Variants in MAB21L3 observed in about 807,000 individuals in gnomAD.
MAB21L3 encodes mab-21 like 3.
MAB21L3 carries 36 observed loss-of-function variants against 37.7 expected under a neutral mutation model. That is an observed-to-expected ratio of 0.96 (90% confidence interval 0.73 to 1.26). The LOEUF (loss-of-function observed/expected upper bound fraction) is 1.26. Ranked by LOEUF, MAB21L3 falls within the 50% of genes most tolerant of loss-of-function variation. The pLI, the probability that MAB21L3 is intolerant of heterozygous loss-of-function variation, is 0.00. For missense variants in MAB21L3, 430 were observed against 447.3 expected, an observed-to-expected ratio of 0.96 and a Z score of 0.35; for synonymous variants, 186 against 176.8, an observed-to-expected ratio of 1.05 and a Z score of -0.41.
chr1:116,121,681 A>G (rs1659752921), intron 4 of MAB21L3, among the ~76,000 whole-genome samples: 1 of 152,222 alleles, frequency 6.6e-6, no homozygotes, highest in African/African-American at 2.4e-5. Flanking sequence ...GGTGCCACTG[A>G]GAAGCTGCAG....
rs1189669078 is a variant in MAB21L3, at chr1:116,136,487, A to C, written c.*3122A>C. Among the ~76,000 whole-genome samples the C allele has an allele frequency of 6.6e-6, 1 of 152,154 alleles. No homozygotes were observed. The highest frequency in any genetic ancestry group is 2.4e-5 in the African/African-American group (1 of 41,444). The stretch of plus-strand genomic sequence containing the variant: ...ATGAAATAAAAGAGGATACAAACAA[A>C]TGGAAGAACATTCCATGCTCATGGG... On this transcript the variant is annotated 3_prime_UTR_variant, in exon 8 of 8. Coordinates refer to ENST00000369500, the MANE Select transcript of MAB21L3 (RefSeq NM_152367.3).
chr1:116,120,903 C>T (rs754479422), intron 3 of MAB21L3, 29 bp from the exon 4 acceptor site: 2 of 1,611,922 alleles, frequency 1.2e-6, no homozygotes, highest in East Asian at 2.2e-5. Context: ...GAGGAAATAA[C>T]CACCATTGCT....
Position 116,128,096 on chromosome 1 carries a change from C to T in MAB21L3, c.661-49C>T, listed in dbSNP as rs765316504. On this transcript the variant is annotated intron_variant, in intron 6 of 7. Transcript: ENST00000369500. ...CTGCTTCAGAAATGGCTTTCTACAC[C>T]AGTGAGCATTGTTCTTCTTATTTCC... 7.7e-6 allele frequency: 12 copies of T among 1,558,132 alleles called. No homozygotes were observed. In the Admixed American group the frequency reaches 2.0e-4, roughly 25 times the overall value.
chr1:116,133,110 A>T (rs374362190), intron 7 of MAB21L3, 22 bp from the exon 8 acceptor site: 1 of 1,591,618 alleles, frequency 6.3e-7, no homozygotes, highest in African/African-American at 1.3e-5. Context: ...ACAATGTCTG[A>T]CAGCACTTCT....
rs1164169999 is a variant in MAB21L3 at position 116,117,186 on chromosome 1, T to TATATATA, written c.49-3740_49-3739insAATATAT. Among the ~76,000 whole-genome samples the TATATATA allele has an allele frequency of 1.7e-4, 25 of 146,066 alleles. No individual in the cohort carries two copies. The East Asian group carries it at 3.8e-3, about 22-fold the overall frequency. On this transcript the variant is annotated intron_variant, in intron 3 of 7. Transcript: ENST00000369500. ...ACATATATATATATATATATATATATATATATGTATAGTCACTGCTATGTT... is the reference window on the plus strand; with the variant it reads ...ACATATATATATATATATATATATATATATATAATATATGTATAGTCACTGCTATGTT...
chr1:116,124,468 AT>A (rs1160773546), intron 5 of MAB21L3, 111 bp downstream of exon 5: 1 of 967,944 alleles, frequency 1.0e-6, no homozygotes, highest in Non-Finnish European at 1.5e-6. Context: ...TGAGAAAATA[AT>A]CATGTGCTCT....
Position 116,134,350 on chromosome 1 carries a change from C to T in MAB21L3, c.*985C>T, listed in dbSNP as rs1660158672. Reference sequence around the variant, plus strand: ...AGCAAAGAGCAAAGTGGATGAGGACCTCCCCCTGGGGATGCCACCTAATGG... The same window carrying T: ...AGCAAAGAGCAAAGTGGATGAGGACTTCCCCCTGGGGATGCCACCTAATGG... On this transcript the variant is annotated 3_prime_UTR_variant, in exon 8 of 8. Coordinates refer to ENST00000369500, the MANE Select transcript of MAB21L3 (RefSeq NM_152367.3). The T allele has an allele frequency of 6.6e-6, 1 of 152,248 alleles. No homozygotes were observed. The highest frequency in any genetic ancestry group is 1.5e-5 in the Non-Finnish European group (1 of 68,068). The allele number at this position is 152,248 out of a possible 1,614,324, so 9.4% of individuals were successfully genotyped here.
chr1:116,118,275 G>A (rs576880086), intron 3 of MAB21L3, among the ~76,000 whole-genome samples: 11 of 152,046 alleles, frequency 7.2e-5, no homozygotes, highest in South Asian at 6.2e-4. Flanking sequence ...CCAGCTACTC[G>A]GGAGGCTGAG....
rs1369746128 is a variant in MAB21L3 at position 116,137,862 on chromosome 1, C to T, written c.*4497C>T. Among the ~76,000 whole-genome samples, 1 of 150,520 alleles carries T rather than the reference C, an allele frequency of 6.6e-6. No individual in the cohort carries two copies. The highest frequency in any genetic ancestry group is 1.5e-5 in the Non-Finnish European group (1 of 67,852). The stretch of plus-strand genomic sequence containing the variant: ...ATTGGAAATCATCATTCTCAGTAAA[C>T]TATCGCAAGAACAAAAAACCAAACA... On this transcript the variant is annotated 3_prime_UTR_variant, in exon 8 of 8. Coordinates refer to ENST00000369500, the MANE Select transcript of MAB21L3 (RefSeq NM_152367.3).
chr1:116,131,231 A>G (rs1252793466), intron 7 of MAB21L3, among the ~76,000 whole-genome samples: 2 of 152,246 alleles, frequency 1.3e-5, no homozygotes, highest in African/African-American at 4.8e-5. Flanking sequence ...TGAGAAGTAC[A>G]TGACTAAGAG....
chr1:116,117,158 CATACAT>C (rs1212769324), intron 3 of MAB21L3, among the ~76,000 whole-genome samples: 899 of 86,062 alleles, frequency 0.01, 6 homozygotes, highest in Non-Finnish European at 0.011. Flanking sequence ...TCAAAATATA[CATACAT>C]ATATATATAT....
intron 5 of MAB21L3, among the ~76,000 whole-genome samples, chr1:116,124,872 C>T (rs1477496080): frequency 1.2e-5 from 1 of 82,168 alleles, no homozygotes; most frequent in Non-Finnish European, 2.8e-5. Context: ...CATATGCATA[C>T]ACACACACAC....
chr1:116,123,960 G>A (rs1659822278), intron 4 of MAB21L3, 106 bp from the exon 5 acceptor site: 1 of 1,117,786 alleles, frequency 8.9e-7, no homozygotes, highest in Non-Finnish European at 1.3e-6. Context: ...TGCTGAGGGT[G>A]GAGTGGTTAA....
chr1:116,136,562 C>T lies in MAB21L3; in HGVS notation c.*3197C>T, dbSNP rs775314908. 6.6e-6 allele frequency among the ~76,000 whole-genome samples: 1 copy of T among 152,084 alleles called. No individual in the cohort carries two copies. ...TGGCCAGACTGCCCAAGGTAATTTA[C>T]AGATTCAATGCCATCCCCATCAAGC... On this transcript the variant is annotated 3_prime_UTR_variant, in exon 8 of 8. Transcript: ENST00000369500.
intron 4 of MAB21L3, among the ~76,000 whole-genome samples, chr1:116,122,534 A>G: frequency 6.6e-6 from 1 of 152,198 alleles, no homozygotes; most frequent in African/African-American, 2.4e-5. Context: ...ACTTAGATCA[A>G]AATCAACAAG....
rs1659969022 is a variant in MAB21L3 at position 116,128,280 on chromosome 1, C to A, written c.796C>A (p.Leu266Met). ...RRKCFQVMRHLKEDIWCPGNR... is the reference protein window; with the variant it reads ...RRKCFQVMRHMKEDIWCPGNR... ...GAAGTGTTTTCAGGTCATGAGGCAC[C>A]TGAAGGAGGACATCTGGTGCCCAGG... is the stretch of plus-strand genomic sequence containing the variant. Residue 266 changes from leucine (L) to methionine (M), a missense_variant, in exon 7 of 8, where the codon CTG (leucine) becomes ATG (methionine). Transcript: ENST00000369500. 6.2e-6 allele frequency: 10 copies of A among 1,613,926 alleles called. No individual in the cohort carries two copies. In the South Asian group the frequency reaches 8.8e-5, roughly 14 times the overall value.
At chr1:116,130,009 C>G (rs1660026897) in intron 7 of MAB21L3, among the ~76,000 whole-genome samples, 1 of 152,212 alleles carries the variant, frequency 6.6e-6, no homozygotes, top group African/African-American at 2.4e-5. Context: ...TTGATTCTTT[C>G]TGTGGATTTA....
intron 6 of MAB21L3, 121 bp from the exon 7 acceptor site, chr1:116,128,024 C>T (rs901687412): frequency 2.4e-5 from 25 of 1,040,184 alleles, no homozygotes; most frequent in South Asian, 1.2e-4. Flanking sequence ...CTCATCCCCA[C>T]GTAGGATGTG....
chr1:116,133,116 C>G lies in MAB21L3; in HGVS notation c.856-16C>G. The G allele has an allele frequency of 6.2e-7, 1 of 1,603,402 alleles. No homozygotes were observed. Among genetic ancestry groups the G allele is most frequent in the South Asian group, 1.1e-5 (1 of 90,608 alleles). On this transcript the variant is annotated splice_polypyrimidine_tract_variant and intron_variant, in intron 7 of 7. Coordinates refer to ENST00000369500, the MANE Select transcript of MAB21L3 (RefSeq NM_152367.3). ...TTGCCCGAAACAATGTCTGACAGCA[C>G]TTCTCCCTTCCACAGACTGTGCTCT...
Sources: allele counts gnomAD v4.1 joint callset (sites outside exome capture counted in the v4.1 genomes callset), GRCh38; gene constraint gnomAD v4.1.1; transcripts MANE v1.5; gene names NCBI Gene and HGNC (gene_info 2026-07-23, HGNC 2026-07-21).